Variants in SOS2 observed in about 807,000 individuals in gnomAD.
The protein encoded by SOS2 is SOS Ras/Rho guanine nucleotide exchange factor 2.
SOS2 carries 65 observed loss-of-function variants against 148.2 expected under a neutral mutation model. That is an observed-to-expected ratio of 0.44 (90% CI 0.36 to 0.54). SOS2 has a LOEUF of 0.54. SOS2 is among the 20% of genes least tolerant of loss of function. The pLI is 0.00. For missense variants in SOS2, 1,341 were observed against 1,590.2 expected (o/e 0.84, Z 2.67); for synonymous variants, 539 against 537.1 (o/e 1.00, Z -0.05).
At chr14:50,205,518 G>T in intron 1 of SOS2, among the ~76,000 whole-genome samples, 1 of 152,118 alleles carries the variant, frequency 6.6e-6, no homozygotes, top group East Asian at 1.9e-4. Context: ...ATTTACCATA[G>T]AATTCTTCCT....
At chr14:50,228,648 A>G (rs186040137) in intron 1 of SOS2, among the ~76,000 whole-genome samples, 13 of 152,290 alleles carry the variant, frequency 8.5e-5, no homozygotes, top group Admixed American at 4.6e-4. Context: ...GTCCAAGTGG[A>G]CTAAACTGAC....
intron 1 of SOS2, among the ~76,000 whole-genome samples, chr14:50,214,859 G>T (rs778313947): frequency 2.6e-4 from 38 of 146,312 alleles, no homozygotes; most frequent in Non-Finnish European, 4.6e-4. Flanking sequence ...TTTTTGAGAC[G>T]GAGTCTTGTT....
chr14:50,224,269 T>G (rs1887285298), intron 1 of SOS2, among the ~76,000 whole-genome samples: 2 of 139,378 alleles, frequency 1.4e-5, no homozygotes, highest in Admixed American at 7.7e-5. Flanking sequence ...CCAGCCTGGG[T>G]GACAGAGCAA....
rs1884170083 is a variant in SOS2, at chr14:50,138,800, A to AAG, written c.2786-17_2786-16insCT. ...AAATATATTCCTAGTAAAAAAAAAA[A>AAG]AAGAATTTAAAGAAAAGTTATTTTA... On this transcript the variant is annotated splice_polypyrimidine_tract_variant and intron_variant, in intron 17 of 22. Coordinates refer to ENST00000216373, the MANE Select transcript of SOS2 (RefSeq NM_006939.4). The AAG allele has an allele frequency of 3.9e-6, 3 of 777,916 alleles. No individual in the cohort carries two copies. In the East Asian group the frequency reaches 8.9e-5, roughly 23 times the overall value. The allele number at this position is 777,916 out of a possible 1,614,324, so 48.2% of individuals were successfully genotyped here.
intron 21 of SOS2, among the ~76,000 whole-genome samples, chr14:50,129,474 T>A (rs1405470867): frequency 6.6e-6 from 1 of 152,194 alleles, no homozygotes; most frequent in Non-Finnish European, 1.5e-5. Flanking sequence ...AACCTCTGCT[T>A]CCTGGGTTCA....
chr14:50,229,503 GA>G (rs5808545), intron 1 of SOS2, among the ~76,000 whole-genome samples: 85,790 of 139,358 alleles, frequency 0.62, 26,151 homozygotes, highest in Non-Finnish European at 0.69. Context: ...AGCCTAACTT[GA>G]AAAAAAAAAA....
intron 14 of SOS2, among the ~76,000 whole-genome samples, chr14:50,148,960 A>G (rs998938373): frequency 6.6e-6 from 1 of 152,160 alleles, no homozygotes; most frequent in Non-Finnish European, 1.5e-5. Flanking sequence ...CAGTGGCACA[A>G]TCTTGGCTCA....
At chr14:50,179,666 G>A (rs139802863) in intron 7 of SOS2, among the ~76,000 whole-genome samples, 1 of 152,130 alleles carries the variant, frequency 6.6e-6, no homozygotes, top group Non-Finnish European at 1.5e-5. Flanking sequence ...CGTCTGGCTG[G>A]AAAAGTCAGT....
intron 21 of SOS2, 22 bp downstream of exon 21, chr14:50,129,939 A>C: frequency 6.8e-7 from 1 of 1,464,006 alleles, no homozygotes; most frequent in South Asian, 1.2e-5. Flanking sequence ...TTTCATTAAG[A>C]ATCAACTTAA....
chr14:50,159,804 G>A lies in SOS2; in HGVS notation c.1479C>T (p.Val493=), dbSNP rs1884937767. Residue 493 remains valine, a synonymous_variant, in exon 10 of 23, where the codon GTC becomes GTT. Transcript: ENST00000216373. ...SAEYRLKEKF[V]MRKIQICDKE... ...TATCACAAATTTGTATTTTCCTCAT[G>A]ACAAATTTTTCTTTTAACCTGTATT... 9 of 1,613,834 alleles carry A rather than the reference G, an allele frequency of 5.6e-6. No individual in the cohort carries two copies. Among genetic ancestry groups the A allele is most frequent in the Non-Finnish European group, 7.6e-6 (9 of 1,179,956 alleles).
intron 14 of SOS2, 52 bp downstream of exon 14, chr14:50,149,956 T>C: frequency 8.2e-7 from 1 of 1,226,058 alleles, no homozygotes; most frequent in Non-Finnish European, 1.2e-6. Context: ...TGAAAATAGG[T>C]AATGTTCAAG....
chr14:50,215,254 T>A, intron 1 of SOS2: 1 of 455,958 alleles, frequency 2.2e-6, no homozygotes, highest in Non-Finnish European at 3.5e-6. Context: ...GTGATTATGA[T>A]TTTGTTAAAT....
In SOS2 at chr14:50,212,397, C is replaced by T. The variant is rs58533319; in HGVS notation, c.88-7988G>A. 4.9e-3 allele frequency among the ~76,000 whole-genome samples: 744 copies of T among 152,322 alleles called. 5 individuals are homozygous for T. The highest frequency in any genetic ancestry group is 0.016 in the African/African-American group (683 of 41,578). ...GCTGAGGCAGGAGAATCGCTTGAAC[C>T]CAGGAGGCGGAGGTTGCAGTGAGCA... On this transcript the variant is annotated intron_variant, in intron 1 of 22. Transcript: ENST00000216373.
intron 12 of SOS2, chr14:50,156,592 T>C (rs1884828682): frequency 6.6e-6 from 1 of 152,280 alleles, no homozygotes; most frequent in South Asian, 2.1e-4. Context: ...TATTATAAAT[T>C]GTAAAAAAAG....
At position 50,150,564 on chromosome 14, in the gene SOS2, C is replaced by CT. The variant is rs11288068; in HGVS notation, c.2162-335dup. The stretch of plus-strand genomic sequence containing the variant: ...CACATTTCTCTCTCTGATTATTTTC[C>CT]TTTTTTTTTTTTTTTGAGACAGGGT... On this transcript the variant is annotated intron_variant, in intron 13 of 22. Transcript: ENST00000216373. Among the ~76,000 whole-genome samples, 1,059 of 138,292 alleles carry CT rather than the reference C, an allele frequency of 7.7e-3. 18 individuals are homozygous for CT. The highest frequency in any genetic ancestry group is 0.025 in the African/African-American group (932 of 36,964). 90.7% of individuals were successfully genotyped at this position (138,292 alleles called of 152,430 possible).
intron 5 of SOS2, among the ~76,000 whole-genome samples, chr14:50,182,967 T>C (rs762063042): frequency 1.2e-4 from 18 of 152,266 alleles, no homozygotes; most frequent in Non-Finnish European, 2.1e-4. Context: ...ATATCTTTTA[T>C]TGGGAGCATG....
chr14:50,159,509 T>C lies in SOS2; in HGVS notation c.1774A>G (p.Ser592Gly). The C allele has an allele frequency of 6.2e-7, 1 of 1,613,496 alleles. No homozygotes were observed. Among genetic ancestry groups the C allele is most frequent in the Non-Finnish European group, 8.5e-7 (1 of 1,179,432 alleles). ...TTAATAATGGGGATGCCACTTCTAC[T>C]TTGCAAGTTGTCTTCAAAAACAATG... ...ENIVFEDNLQ[S>G]RSGIPIIKGG... The change falls in exon 10 of 23, where the codon AGT (serine) becomes GGT (glycine). Residue 592 changes from serine to glycine, a missense_variant. Physicochemically the swap from Ser to Gly is moderately conservative, Grantham distance 56. This residue lies in a region of SOS2 where 574 missense variants were observed against 711.1 expected (regional missense o/e 0.81). Coordinates refer to ENST00000216373, the MANE Select transcript of SOS2 (RefSeq NM_006939.4).
chr14:50,166,384 A>G (rs765314859), intron 8 of SOS2, among the ~76,000 whole-genome samples: 1 of 152,002 alleles, frequency 6.6e-6, no homozygotes, highest in Non-Finnish European at 1.5e-5. Context: ...CATTGCCACC[A>G]CATCCAGCTA....
At chr14:50,121,525 TGG>T (rs199712037) in intron 21 of SOS2, among the ~76,000 whole-genome samples, 182 of 14,202 alleles carry the variant, frequency 0.013, 4 homozygotes, top group Non-Finnish European at 9.4e-3. Context: ...AGTTACTTCC[TGG>T]GGGAGGGGGG....
Sources: allele counts gnomAD v4.1 joint callset (sites outside exome capture counted in the v4.1 genomes callset), GRCh38; gene constraint gnomAD v4.1.1; regional missense constraint gnomAD v4.1.1; transcripts MANE v1.5; gene names NCBI Gene and HGNC (gene_info 2026-07-23, HGNC 2026-07-21).